LAMC1: variants seen among roughly 807,000 people sequenced by gnomAD.
LAMC1 encodes laminin subunit gamma 1.
Under a neutral mutation model 173.6 loss-of-function variants are expected in LAMC1, and 38 were observed. The observed-to-expected ratio is 0.22, with a 90% CI of 0.17 to 0.29. The LOEUF (loss-of-function observed/expected upper bound fraction) is 0.29, where lower values mean the gene tolerates loss of function less well. Among genes scored for constraint, LAMC1 ranks in the 10% least tolerant of loss-of-function variants. The pLI is 1.00. For missense variants in LAMC1, 1,824 were observed against 2,051.8 expected (o/e 0.89, Z 2.14); for synonymous variants, 746 against 749.1 (o/e 1.00, Z 0.07).
At chr1:183,123,659 G>A (rs1336836178) in intron 13 of LAMC1, among the ~76,000 whole-genome samples, 1 of 152,068 alleles carries the variant, frequency 6.6e-6, no homozygotes, top group Non-Finnish European at 1.5e-5. Context: ...CCATCATGCT[G>A]CTCTATTTTG....
At chr1:183,039,454 T>C (rs946212967) in intron 1 of LAMC1, among the ~76,000 whole-genome samples, 3 of 152,230 alleles carry the variant, frequency 2.0e-5, no homozygotes, top group Admixed American at 6.5e-5. Flanking sequence ...ATAGAAAGTC[T>C]ATTGGAGACT....
chr1:183,108,181 GATA>G (rs760836565), intron 2 of LAMC1, 92 bp from the exon 3 acceptor site: 16 of 1,169,172 alleles, frequency 1.4e-5, no homozygotes, highest in Admixed American at 3.7e-5. Context: ...TAAGTTAAAT[GATA>G]ATAAGTTAGT....
chr1:183,030,873 T>TGAGGCAG (rs1212120490), intron 1 of LAMC1, among the ~76,000 whole-genome samples: 1 of 152,182 alleles, frequency 6.6e-6, no homozygotes, highest in Non-Finnish European at 1.5e-5. Flanking sequence ...TAGTTTCAGC[T>TGAGGCAG]ACTTGGGAGG....
intron 4 of LAMC1, among the ~76,000 whole-genome samples, chr1:183,112,961 C>T (rs781089571): frequency 2.2e-4 from 34 of 152,018 alleles, no homozygotes; most frequent in Non-Finnish European, 1.5e-4. Context: ...AGGTGGGAGA[C>T]TCATTTGGGA....
At chr1:183,077,483 G>T (rs1655145149) in intron 1 of LAMC1, among the ~76,000 whole-genome samples, 1 of 151,966 alleles carries the variant, frequency 6.6e-6, no homozygotes, top group Non-Finnish European at 1.5e-5. Context: ...CTTTAGTGGT[G>T]ATTTGTCAGA....
At chr1:183,139,478 G>C (rs12064836) in intron 26 of LAMC1, among the ~76,000 whole-genome samples, 38 of 152,260 alleles carry the variant, frequency 2.5e-4, no homozygotes, top group African/African-American at 8.7e-4. Context: ...TTTTACACTC[G>C]CAGACAAGCT....
chr1:183,118,726 A>C (rs1040640315), intron 11 of LAMC1, among the ~76,000 whole-genome samples: 6 of 145,802 alleles, frequency 4.1e-5, no homozygotes, highest in Non-Finnish European at 9.2e-5. Flanking sequence ...CTGTCTCAGA[A>C]AAAAAAAAAA....
chr1:183,087,203 G>T (rs959142435), intron 1 of LAMC1, among the ~76,000 whole-genome samples: 5 of 152,156 alleles, frequency 3.3e-5, no homozygotes, highest in African/African-American at 1.2e-4. Flanking sequence ...AAATTTCAGG[G>T]TATGTTTGTA....
At position 183,117,687 on chromosome 1, in the gene LAMC1, C is replaced by T. The variant is rs1252245313; in HGVS notation, c.1841C>T (p.Ser614Phe). 1 of 1,614,070 alleles carries T rather than the reference C, an allele frequency of 6.2e-7. No homozygotes were observed. Among genetic ancestry groups the T allele is most frequent in the Non-Finnish European group, 8.5e-7 (1 of 1,180,040 alleles). ...GTACCCTTGATCGCTCAGGGCAATT[C>T]CTATCCAAGTGAGACCACTGTGAAG... ...VSVPLIAQGN[S>F]YPSETTVKYV... The change falls in exon 10 of 28, where the codon TCC becomes TTC. Residue 614 changes from serine (S) to phenylalanine (F), a missense_variant. Transcript: ENST00000258341.
At chr1:183,139,466 C>A (rs1270077753) in intron 26 of LAMC1, among the ~76,000 whole-genome samples, 1 of 152,208 alleles carries the variant, frequency 6.6e-6, no homozygotes, top group Non-Finnish European at 1.5e-5. Flanking sequence ...CTTTCTCCCT[C>A]CTTTTACACT....
In LAMC1 at chr1:183,126,172, G is replaced by A. The variant is rs531177767; in HGVS notation, c.2854G>A (p.Gly952Ser). 70 of 1,614,192 alleles carry A rather than the reference G, an allele frequency of 4.3e-5. No individual in the cohort carries two copies. Among genetic ancestry groups the A allele is most frequent in the South Asian group, 5.5e-5 (5 of 91,090 alleles). ...CAATGGGCAGTGTGACATCCGCACCGGCCAGTGTGAGTGCCAGCCCGGCAT... is the reference window on the plus strand; with the variant it reads ...CAATGGGCAGTGTGACATCCGCACCAGCCAGTGTGAGTGCCAGCCCGGCAT... ...STNGQCDIRT[G>S]QCECQPGITG... is the part of the protein sequence containing the mutation. The change falls in exon 16 of 28, where the codon GGC (glycine) becomes AGC (serine). Residue 952 changes from glycine (G) to serine (S), a missense_variant. By Grantham distance (56) the Gly-to-Ser change is moderately conservative (BLOSUM62 0). Coordinates refer to ENST00000258341, the MANE Select transcript of LAMC1 (RefSeq NM_002293.4).
intron 1 of LAMC1, among the ~76,000 whole-genome samples, chr1:183,032,689 C>CT (rs1208011653): frequency 1.3e-5 from 2 of 151,686 alleles, no homozygotes; most frequent in East Asian, 1.9e-4. Flanking sequence ...TGCCTGGCCT[C>CT]TTTTTTTTCT....
chr1:183,137,946 C>A, intron 26 of LAMC1, 119 bp downstream of exon 26: 2 of 951,914 alleles, frequency 2.1e-6, no homozygotes, highest in Non-Finnish European at 3.0e-6. Context: ...ATCACATTGT[C>A]TCGTCAAGAA....
In LAMC1 at chr1:183,124,623, A is replaced by G; in HGVS notation, c.2402-8A>G. 6.2e-7 allele frequency: 1 copy of G among 1,614,128 alleles called. No individual in the cohort carries two copies. The highest frequency in any genetic ancestry group is 1.1e-5 in the South Asian group (1 of 91,074). On this transcript the variant is annotated splice_polypyrimidine_tract_variant and splice_region_variant and intron_variant, in intron 13 of 27. Coordinates refer to ENST00000258341, the MANE Select transcript of LAMC1 (RefSeq NM_002293.4). ...TTCTTTCATAACATCAGATTGTCTCATCCCCAGGTAAGAGATGTGAGCTCT... is the reference window on the plus strand; with the variant it reads ...TTCTTTCATAACATCAGATTGTCTCGTCCCCAGGTAAGAGATGTGAGCTCT...
At chr1:183,108,540 C>T in intron 3 of LAMC1, 134 bp downstream of exon 3, 1 of 681,264 alleles carries the variant, frequency 1.5e-6, no homozygotes, top group East Asian at 3.2e-5. Flanking sequence ...GGCAGTCCTT[C>T]CTGTGTGATA....
At chr1:183,127,431 A>G in intron 17 of LAMC1, 27 bp downstream of exon 17, 2 of 1,609,004 alleles carry the variant, frequency 1.2e-6, no homozygotes, top group Non-Finnish European at 1.7e-6. Context: ...GCATTCATTC[A>G]TTCATCCAGC....
chr1:183,119,897 G>C (rs1006391580), intron 11 of LAMC1, among the ~76,000 whole-genome samples: 1 of 152,064 alleles, frequency 6.6e-6, no homozygotes, highest in Non-Finnish European at 1.5e-5. Context: ...CTGTCCAGGC[G>C]TGGTAACTCA....
intron 1 of LAMC1, among the ~76,000 whole-genome samples, chr1:183,054,062 T>C (rs79908137): frequency 0.027 from 4,059 of 152,322 alleles, 67 homozygotes; most frequent in Middle Eastern, 0.048. Context: ...GTACTGCCTA[T>C]TGAGGTGGGT....
At chr1:183,129,306 T>G (rs1656718423) in intron 18 of LAMC1, among the ~76,000 whole-genome samples, 1 of 152,102 alleles carries the variant, frequency 6.6e-6, no homozygotes, top group Non-Finnish European at 1.5e-5. Flanking sequence ...GCCAGGATGG[T>G]CTCGATCTCC....
Sources: gnomAD v4.1 joint callset for allele counts (sites outside exome capture counted in the v4.1 genomes callset) on GRCh38, gnomAD v4.1.1 for gene constraint, MANE v1.5 for transcripts, NCBI Gene and HGNC (gene_info 2026-07-23, HGNC 2026-07-21) for gene names.